The following PHF7 variants were observed in gnomAD, a reference collection of about 807,000 sequenced individuals.
PHF7 encodes PHD finger protein 7.
In PHF7, 24 loss-of-function variants were observed where a neutral mutation model predicts 47.5. That is an observed-to-expected ratio of 0.51 (90% CI 0.37 to 0.71). The LOEUF (loss-of-function observed/expected upper bound fraction) is 0.71, where lower values mean the gene tolerates loss of function less well. Ranked by LOEUF, PHF7 falls within the 30% of genes least tolerant of loss-of-function variation. PHF7 has a pLI of 0.00. For synonymous variants in PHF7, 156 were observed against 153.8 expected (o/e 1.01, Z -0.11); for missense variants, 361 against 456.8 (o/e 0.79, Z 1.91).
At position 52,420,973 on chromosome 3, in the gene PHF7, T is replaced by C. The variant is rs1705770778; in HGVS notation, c.484T>C (p.Leu162=). The change falls in exon 7 of 11, where the codon TTA becomes CTA. Residue 162 remains leucine (L), a synonymous_variant. Transcript: ENST00000327906. ...HGHVGEESCI[L]CCEDLSQQSV... ...GCATGTGGGGGAGGAAAGCTGCATC[T>C]TATGTTGTGAAGACTTATCCCAACA... 1.2e-6 allele frequency: 2 copies of C among 1,613,596 alleles called. No homozygotes were observed. Among genetic ancestry groups the C allele is most frequent in the Non-Finnish European group, 1.7e-6 (2 of 1,179,708 alleles).
chr3:52,420,843 G>A (rs745865706), intron 6 of PHF7, 60 bp from the exon 7 acceptor site: 105 of 1,504,514 alleles, frequency 7.0e-5, no homozygotes, highest in Middle Eastern at 1.8e-4. Context: ...CTCCTAGAGC[G>A]GGCCATTGGG....
chr3:52,421,765 C>T lies in PHF7; in HGVS notation c.680+11C>T, dbSNP rs1401615019. The T allele has an allele frequency of 1.4e-6, 2 of 1,445,670 alleles. No homozygotes were observed. The highest frequency in any genetic ancestry group is 2.8e-5 in the African/African-American group (2 of 71,582). The allele number at this position is 1,445,670 out of a possible 1,614,324, so 89.6% of individuals were successfully genotyped here. On this transcript the variant is annotated intron_variant, in intron 8 of 10. Transcript: ENST00000327906. ...TCATATTCCAGACAGGTAGTGGGAACCCCAAAGCAGGAACTGAGCCAGGGA... is the reference window on the plus strand; with the variant it reads ...TCATATTCCAGACAGGTAGTGGGAATCCCAAAGCAGGAACTGAGCCAGGGA...
intron 1 of PHF7, among the ~76,000 whole-genome samples, chr3:52,412,597 C>G (rs1256294634): frequency 1.3e-5 from 2 of 152,202 alleles, no homozygotes; most frequent in Non-Finnish European, 2.9e-5. Flanking sequence ...ACTTAAACCT[C>G]TCTGTGCCTC....
intron 2 of PHF7, among the ~76,000 whole-genome samples, chr3:52,413,575 C>T (rs1488269555): frequency 1.3e-5 from 2 of 152,196 alleles, no homozygotes; most frequent in Non-Finnish European, 1.5e-5. Flanking sequence ...TGGCTCATGC[C>T]TGTAATGTCA....
intron 4 of PHF7, 160 bp downstream of exon 4, chr3:52,414,747 G>C (rs1320977254): frequency 2.6e-6 from 1 of 382,450 alleles, no homozygotes; most frequent in Non-Finnish European, 4.7e-6. Flanking sequence ...AGTGGCTCAC[G>C]CCTGTAATCC....
chr3:52,412,763 A>T, intron 1 of PHF7, 48 bp from the exon 2 acceptor site: 1 of 847,652 alleles, frequency 1.2e-6, no homozygotes, highest in Non-Finnish European at 1.9e-6. Context: ...GAACTTGATA[A>T]CCAAATACAG....
intron 6 of PHF7, 53 bp downstream of exon 6, chr3:52,420,488 C>A: frequency 6.3e-7 from 1 of 1,582,666 alleles, no homozygotes; most frequent in South Asian, 1.1e-5. Context: ...TATTATTCAG[C>A]CACTAATGAA....
chr3:52,414,373 C>T, intron 3 of PHF7, 123 bp from the exon 4 acceptor site: 1 of 686,164 alleles, frequency 1.5e-6, no homozygotes, highest in East Asian at 2.5e-5. Flanking sequence ...TTCCTCCTTG[C>T]CAAAATGACC....
chr3:52,412,554 A>G (rs923594105), intron 1 of PHF7, among the ~76,000 whole-genome samples: 5 of 152,226 alleles, frequency 3.3e-5, no homozygotes, highest in East Asian at 1.9e-4. Context: ...GATCCCATCT[A>G]TATCACTTAC....
chr3:52,422,690 T>C (rs901587832), intron 9 of PHF7, 70 bp from the exon 10 acceptor site: 1 of 1,567,832 alleles, frequency 6.4e-7, no homozygotes, highest in Non-Finnish European at 8.8e-7. Context: ...GCCTGGCCCA[T>C]AGCAAACATC....
chr3:52,422,453 C>CA, intron 9 of PHF7, 115 bp downstream of exon 9: 1 of 774,150 alleles, frequency 1.3e-6, no homozygotes. Flanking sequence ...TTAGGATAAA[C>CA]ACGATTGCTA....
chr3:52,422,432 G>T, intron 9 of PHF7, 94 bp downstream of exon 9: 2 of 860,238 alleles, frequency 2.3e-6, no homozygotes, highest in Non-Finnish European at 4.0e-6. Flanking sequence ...ATTCACTCTT[G>T]TATGCAGACC....
At chr3:52,419,532 G>A (rs1231007802) in intron 4 of PHF7, among the ~76,000 whole-genome samples, 5 of 150,802 alleles carry the variant, frequency 3.3e-5, no homozygotes, top group Non-Finnish European at 7.4e-5. Flanking sequence ...TCGGGTTCAC[G>A]CCATTCTCCT....
At chr3:52,422,027 C>G in intron 8 of PHF7, 195 bp from the exon 9 acceptor site, 1 of 615,822 alleles carries the variant, frequency 1.6e-6, no homozygotes, top group Non-Finnish European at 2.9e-6. Flanking sequence ...ACTAAGGAAC[C>G]TGCATGCATG....
chr3:52,421,812 AGAG>A (rs1705799993), intron 8 of PHF7, 58 bp downstream of exon 8: 2 of 856,586 alleles, frequency 2.3e-6, no homozygotes, highest in Non-Finnish European at 4.0e-6. Context: ...AGATTTCTAG[AGAG>A]GAGGTGAGTG....
At position 52,421,789 on chromosome 3, in the gene PHF7, G is replaced by A. The variant is rs1373621868; in HGVS notation, c.680+35G>A. On this transcript the variant is annotated intron_variant, in intron 8 of 10. Coordinates refer to ENST00000327906, the MANE Select transcript of PHF7 (RefSeq NM_016483.7). ...ACCCCAAAGCAGGAACTGAGCCAGGGAGTGGGTTGCCTAGATTTCTAGAGA... is the reference window on the plus strand; with the variant it reads ...ACCCCAAAGCAGGAACTGAGCCAGGAAGTGGGTTGCCTAGATTTCTAGAGA... 7.1e-6 allele frequency: 8 copies of A among 1,133,642 alleles called. No individual in the cohort carries two copies. In the Admixed American group the frequency reaches 1.0e-4, roughly 14 times the overall value. 70.2% of individuals were successfully genotyped at this position (1,133,642 alleles called of 1,614,324 possible).
chr3:52,411,429 C>T (rs1705429770), intron 1 of PHF7, 182 bp downstream of exon 1: 2 of 152,312 alleles, frequency 1.3e-5, no homozygotes, highest in Non-Finnish European at 2.9e-5. Flanking sequence ...TCTGCAACTC[C>T]TGGGTTAGAG....
intron 4 of PHF7, among the ~76,000 whole-genome samples, chr3:52,418,006 C>G (rs991602052): frequency 3.9e-5 from 6 of 151,964 alleles, no homozygotes; most frequent in African/African-American, 1.5e-4. Flanking sequence ...TCTCACTTTT[C>G]CTGTATTTAT....
In PHF7 at chr3:52,420,961, G is replaced by A. The variant is rs1319609794; in HGVS notation, c.472G>A (p.Glu158Lys). 6.2e-7 allele frequency: 1 copy of A among 1,613,746 alleles called. No homozygotes were observed. Among genetic ancestry groups the A allele is most frequent in the South Asian group, 1.1e-5 (1 of 91,056 alleles). ...CATCCAACATGGGCATGTGGGGGAG[G>A]AAAGCTGCATCTTATGTTGTGAAGA... ...QNIQHGHVGEESCILCCEDLS... is the reference protein window; with the variant it reads ...QNIQHGHVGEKSCILCCEDLS... The change falls in exon 7 of 11, where the codon GAA becomes AAA. Residue 158 changes from glutamate (E) to lysine (K), a missense_variant. Transcript: ENST00000327906.
Sources: allele counts gnomAD v4.1 joint callset (sites outside exome capture counted in the v4.1 genomes callset), GRCh38; gene constraint gnomAD v4.1.1; transcripts MANE v1.5; gene names NCBI Gene and HGNC (gene_info 2026-07-23, HGNC 2026-07-21).